Variants in DLGAP1 observed in about 807,000 individuals in gnomAD.
The protein encoded by DLGAP1 is disks large-associated protein 1.
Under a neutral mutation model 90.8 loss-of-function variants are expected in DLGAP1, and 11 were observed. That is an observed-to-expected ratio of 0.12 (90% CI 0.08 to 0.20). The LOEUF (loss-of-function observed/expected upper bound fraction) is 0.20, where lower values mean the gene tolerates loss of function less well. Among genes scored for constraint, DLGAP1 ranks in the 10% least tolerant of loss-of-function variants. The pLI, the probability that DLGAP1 is intolerant of heterozygous loss-of-function variation, is 1.00. For synonymous variants in DLGAP1, 558 were observed against 540.7 expected, an observed-to-expected ratio of 1.03 and a Z score of -0.44; for missense variants, 1,050 against 1,333.8, an observed-to-expected ratio of 0.79 and a Z score of 3.31.
intron 1 of DLGAP1, among the ~76,000 whole-genome samples, chr18:4,263,007 A>G (rs2079033288): frequency 6.6e-6 from 1 of 152,054 alleles, no homozygotes; most frequent in South Asian, 2.1e-4. Flanking sequence ...ATTTCGGCTC[A>G]GTGTAATCTC....
At chr18:3,778,482 T>A (rs1888420471) in intron 5 of DLGAP1, among the ~76,000 whole-genome samples, 1 of 151,898 alleles carries the variant, frequency 6.6e-6, no homozygotes, top group Non-Finnish European at 1.5e-5. Context: ...TTAGCTGATA[T>A]GAGGAAGATA....
At chr18:4,249,577 T>C (rs957111349) in intron 1 of DLGAP1, among the ~76,000 whole-genome samples, 3 of 152,136 alleles carry the variant, frequency 2.0e-5, no homozygotes, top group Non-Finnish European at 4.4e-5. Flanking sequence ...TCTGCATTTG[T>C]TTCTCAAGTT....
intron 1 of DLGAP1, among the ~76,000 whole-genome samples, chr18:4,339,273 G>A (rs1479141335): frequency 6.6e-6 from 1 of 152,138 alleles, no homozygotes; most frequent in African/African-American, 2.4e-5. Context: ...GCTGAACAAC[G>A]AGAACACATG....
At chr18:3,816,089 T>A (rs2067090704) in intron 4 of DLGAP1, among the ~76,000 whole-genome samples, 1 of 151,598 alleles carries the variant, frequency 6.6e-6, no homozygotes. Context: ...TTAACTGTGC[T>A]AAAAAAAAAT....
chr18:3,575,902 A>G (rs1213118958), intron 8 of DLGAP1, among the ~76,000 whole-genome samples: 2 of 152,282 alleles, frequency 1.3e-5, no homozygotes, highest in East Asian at 3.9e-4. Context: ...GAGTGCCACA[A>G]GGTGCTCCCA....
chr18:3,920,470 A>T (rs2072245520), intron 3 of DLGAP1, among the ~76,000 whole-genome samples: 3 of 150,784 alleles, frequency 2.0e-5, no homozygotes, highest in Admixed American at 2.0e-4. Flanking sequence ...CAGGTTTCCT[A>T]CCTCCCCTCT....
At chr18:3,547,328 G>C (rs2053116225) in intron 9 of DLGAP1, among the ~76,000 whole-genome samples, 1 of 139,658 alleles carries the variant, frequency 7.2e-6, no homozygotes, top group African/African-American at 2.7e-5. Context: ...AAAAAAGAAT[G>C]GGAGAAAATG....
chr18:3,656,559 T>C (rs554288338), intron 7 of DLGAP1, among the ~76,000 whole-genome samples: 2 of 152,144 alleles, frequency 1.3e-5, no homozygotes, highest in Non-Finnish European at 2.9e-5. Context: ...TTAAAAACCA[T>C]GGTGTGATCT....
intron 3 of DLGAP1, among the ~76,000 whole-genome samples, chr18:3,952,710 TAAAG>T (rs1320739779): frequency 6.6e-6 from 1 of 152,232 alleles, no homozygotes; most frequent in Non-Finnish European, 1.5e-5. Flanking sequence ...TTATCTTGCA[TAAAG>T]AAAGATGTCT....
intron 3 of DLGAP1, among the ~76,000 whole-genome samples, chr18:3,979,497 T>C (rs1279908339): frequency 1.3e-5 from 2 of 152,150 alleles, no homozygotes; most frequent in African/African-American, 4.8e-5. Flanking sequence ...ACGTGGATTT[T>C]TGAAAAGCGT....
chr18:4,037,031 C>A (rs1158442080), intron 2 of DLGAP1, among the ~76,000 whole-genome samples: 1 of 152,096 alleles, frequency 6.6e-6, no homozygotes, highest in African/African-American at 2.4e-5. Flanking sequence ...TAAGAGAGTT[C>A]ATATTGTATA....
At chr18:3,693,015 A>G (rs2060952175) in intron 7 of DLGAP1, among the ~76,000 whole-genome samples, 1 of 152,228 alleles carries the variant, frequency 6.6e-6, no homozygotes, top group Non-Finnish European at 1.5e-5. Flanking sequence ...GGCTTAAGGT[A>G]TTCTGGCTTT....
chr18:4,423,486 T>A (rs1017057575), intron 1 of DLGAP1, among the ~76,000 whole-genome samples: 2 of 152,228 alleles, frequency 1.3e-5, no homozygotes, highest in Non-Finnish European at 2.9e-5. Flanking sequence ...ATGGTTGTTG[T>A]AGGTTGGAAT....
At position 4,333,299 on chromosome 18, in the gene DLGAP1, G is replaced by A. The variant is rs546043175; in HGVS notation, c.-267+121707C>T. 1.4e-4 allele frequency among the ~76,000 whole-genome samples: 21 copies of A among 151,996 alleles called. 1 individual carries two copies. The highest frequency in any genetic ancestry group is 4.4e-4 in the African/African-American group (18 of 41,296). On this transcript the variant is annotated intron_variant, in intron 1 of 12. Coordinates refer to ENST00000315677, the MANE Select transcript of DLGAP1 (RefSeq NM_004746.4). ...AGTTGGCTGATGACTGGGTCACACT[G>A]TGTTCAAGATCTAGCAGGCTAGCCT...
At chr18:3,747,998 T>A (rs1179545657) in intron 5 of DLGAP1, among the ~76,000 whole-genome samples, 1 of 152,244 alleles carries the variant, frequency 6.6e-6, no homozygotes, top group East Asian at 1.9e-4. Context: ...AGAAAGTTGA[T>A]CTGCTCAGAA....
intron 1 of DLGAP1, among the ~76,000 whole-genome samples, chr18:4,203,431 G>C (rs548708202): frequency 6.6e-6 from 1 of 152,064 alleles, no homozygotes; most frequent in Admixed American, 6.6e-5. Context: ...GGGTAGAATC[G>C]AGTTCCATTT....
At position 3,747,875 on chromosome 18, in the gene DLGAP1, G is replaced by C. The variant is rs117809671; in HGVS notation, c.1173-5363C>G. 2.0e-5 allele frequency among the ~76,000 whole-genome samples: 3 copies of C among 152,316 alleles called. No individual in the cohort carries two copies. In the East Asian group the frequency reaches 5.8e-4, roughly 29 times the overall value. On this transcript the variant is annotated intron_variant, in intron 5 of 12. Transcript: ENST00000315677. ...TTTTATCTTGCCCACTTATAGAACA[G>C]AGCCCTCCGCTATCAATATAAAGGT...
intron 8 of DLGAP1, among the ~76,000 whole-genome samples, 189 bp from the exon 9 acceptor site, chr18:3,567,770 C>T (rs1236821195): frequency 6.6e-6 from 1 of 152,174 alleles, no homozygotes; most frequent in African/African-American, 2.4e-5. Context: ...TAGTAAAATG[C>T]AATTTTATCC....
chr18:4,078,362 T>A (rs910575274), intron 2 of DLGAP1, among the ~76,000 whole-genome samples: 32 of 152,164 alleles, frequency 2.1e-4, no homozygotes, highest in African/African-American at 1.2e-4. Context: ...CACATTTATA[T>A]TTAAATAGAA....
Sources: gnomAD v4.1 joint callset for allele counts (sites outside exome capture counted in the v4.1 genomes callset) on GRCh38, gnomAD v4.1.1 for gene constraint, MANE v1.5 for transcripts, NCBI Gene and HGNC (gene_info 2026-07-23, HGNC 2026-07-21) for gene names.